Variants in CLVS1 observed in about 807,000 individuals in gnomAD.
CLVS1 encodes clavesin 1.
CLVS1 carries 10 observed loss-of-function variants against 33.1 expected under a neutral mutation model. That is an observed-to-expected ratio of 0.30 (90% CI 0.19 to 0.51). The LOEUF is 0.51. Among genes scored for constraint, CLVS1 ranks in the 20% least tolerant of loss-of-function variants. The pLI is 0.97. For synonymous variants in CLVS1, 163 were observed against 166.1 expected (o/e 0.98, Z 0.14); for missense variants, 343 against 433.4 (o/e 0.79, Z 1.85).
intron 1 of CLVS1, among the ~76,000 whole-genome samples, chr8:61,127,297 C>T (rs1805995173): frequency 6.6e-6 from 1 of 151,930 alleles, no homozygotes; most frequent in Non-Finnish European, 1.5e-5. Flanking sequence ...TCACTGAAAC[C>T]TCTTGCTTCC....
chr8:61,479,044 T>C (rs1818076222), intron 5 of CLVS1, among the ~76,000 whole-genome samples: 1 of 152,234 alleles, frequency 6.6e-6, no homozygotes, highest in African/African-American at 2.4e-5. Flanking sequence ...TTGGTGAATC[T>C]GACAATTATG....
the CLVS1 span, among the ~76,000 whole-genome samples, chr8:60,968,269 GGAGGCC>G: frequency 3.9e-5 from 6 of 152,208 alleles, no homozygotes; most frequent in East Asian, 5.8e-4. Flanking sequence ...CAGCACTTTG[GGAGGCC>G]GAGGCCGAGG....
intron 5 of CLVS1, among the ~76,000 whole-genome samples, chr8:61,476,638 C>T (rs1817944941): frequency 6.6e-6 from 1 of 152,120 alleles, no homozygotes; most frequent in African/African-American, 2.4e-5. Context: ...GATTTTTGCA[C>T]ATTGACTTTG....
intron 2 of CLVS1, among the ~76,000 whole-genome samples, chr8:61,183,705 G>C (rs1031830863): frequency 1.3e-5 from 2 of 152,062 alleles, no homozygotes; most frequent in African/African-American, 4.8e-5. Flanking sequence ...CTTCCTCTTA[G>C]CATTTGCAAC....
chr8:61,284,115 TAGAG>T (rs1200234600), upstream of CLVS1, among the ~76,000 whole-genome samples: 1 of 152,218 alleles, frequency 6.6e-6, no homozygotes, highest in African/African-American at 2.4e-5. Flanking sequence ...ATAAGTCAGA[TAGAG>T]AAAGAAAAAT....
At chr8:61,339,932 A>T (rs1311953683) in intron 2 of CLVS1, among the ~76,000 whole-genome samples, 1 of 151,742 alleles carries the variant, frequency 6.6e-6, no homozygotes, top group African/African-American at 2.4e-5. Context: ...TGAAAGAAAG[A>T]TAAAAGAAAG....
intron 1 of CLVS1, chr8:61,292,119 T>G (rs1810015143): frequency 1.7e-5 from 2 of 117,226 alleles, no homozygotes; most frequent in African/African-American, 3.7e-4. Context: ...AAAGAAAAGT[T>G]TTTTTTTTTT....
chr8:61,106,785 A>G (rs1037604810), intron 1 of CLVS1, among the ~76,000 whole-genome samples: 2 of 152,198 alleles, frequency 1.3e-5, no homozygotes, highest in Non-Finnish European at 2.9e-5. Flanking sequence ...GCTTCTAGAT[A>G]AGAGTCAGCC....
intron 2 of CLVS1, among the ~76,000 whole-genome samples, chr8:61,184,915 C>T (rs1168636616): frequency 1.3e-5 from 2 of 152,034 alleles, no homozygotes; most frequent in African/African-American, 4.8e-5. Context: ...GCATTCATAA[C>T]ATATAATTTT....
intron 2 of CLVS1, among the ~76,000 whole-genome samples, chr8:61,313,822 A>C (rs916714918): frequency 9.2e-5 from 14 of 152,178 alleles, no homozygotes; most frequent in Non-Finnish European, 1.9e-4. Context: ...GGAAGAGACT[A>C]GGATGCTCCT....
At chr8:61,272,269 A>G (rs1379432598) in intron 2 of CLVS1, among the ~76,000 whole-genome samples, 1 of 152,166 alleles carries the variant, frequency 6.6e-6, no homozygotes, top group Non-Finnish European at 1.5e-5. Context: ...GTTTGGCTGC[A>G]TATGAAATTC....
At chr8:60,966,489 T>C in the CLVS1 span, 1 of 425,802 alleles carries the variant, frequency 2.3e-6, no homozygotes, top group Non-Finnish European at 4.7e-6. Flanking sequence ...AGCCAAATTA[T>C]ATATTTGCAT....
At chr8:61,044,753 T>G in the CLVS1 span, among the ~76,000 whole-genome samples, 1 of 152,224 alleles carries the variant, frequency 6.6e-6, no homozygotes, top group African/African-American at 2.4e-5. Context: ...ACACCAGTAC[T>G]GCCTCTGGCC....
chr8:61,083,154 T>G (rs904722472), intron 1 of CLVS1, among the ~76,000 whole-genome samples: 6 of 151,952 alleles, frequency 3.9e-5, no homozygotes, highest in African/African-American at 1.5e-4. Context: ...GGAAGATCAT[T>G]TGAGAAGGAA....
chr8:61,483,109 G>A (rs575518286), intron 5 of CLVS1, among the ~76,000 whole-genome samples: 67 of 152,242 alleles, frequency 4.4e-4, no homozygotes, highest in African/African-American at 1.4e-3. Context: ...AACTGAAGGC[G>A]ATAGAGACAC....
Position 61,219,526 on chromosome 8 carries a change from A to AT in CLVS1, c.-151-80146dup, listed in dbSNP as rs1438822183. ...GTAGTCCATGGTGTATATGTACCACATTTTTCTTATCCAGTCTATCATTGA... is the reference window on the plus strand; with the variant it reads ...GTAGTCCATGGTGTATATGTACCACATTTTTTCTTATCCAGTCTATCATTGA... On this transcript the variant is annotated intron_variant, in intron 2 of 2. Coordinates refer to the CLVS1 transcript ENST00000522621. Among the ~76,000 whole-genome samples, 4 of 152,098 alleles carry AT rather than the reference A, an allele frequency of 2.6e-5. No homozygotes were observed. In the East Asian group the frequency reaches 7.7e-4, roughly 29 times the overall value.
chr8:61,363,832 G>A (rs1813082618), intron 2 of CLVS1, among the ~76,000 whole-genome samples: 1 of 152,204 alleles, frequency 6.6e-6, no homozygotes, highest in South Asian at 2.1e-4. Context: ...TTTATGAAGA[G>A]AGTCAGGGAG....
At chr8:61,063,896 A>G (rs1804630177) in intron 1 of CLVS1, among the ~76,000 whole-genome samples, 1 of 152,142 alleles carries the variant, frequency 6.6e-6, no homozygotes, top group African/African-American at 2.4e-5. Context: ...TCCATTCCCC[A>G]GCCTCTGGTA....
At chr8:61,437,166 C>T (rs74687396) in intron 3 of CLVS1, among the ~76,000 whole-genome samples, 2,050 of 152,244 alleles carry the variant, frequency 0.013, 50 homozygotes, top group African/African-American at 0.047. Context: ...AACACTTGTT[C>T]GTTCTTCCCA....
Sources: allele counts gnomAD v4.1 joint callset (sites outside exome capture counted in the v4.1 genomes callset), GRCh38; gene constraint gnomAD v4.1.1; transcripts MANE v1.5; gene names NCBI Gene and HGNC (gene_info 2026-07-23, HGNC 2026-07-21).